SLC8A1: variants seen among roughly 807,000 people sequenced by gnomAD.
The protein encoded by SLC8A1 is sodium/calcium exchanger 1.
SLC8A1 carries 18 observed loss-of-function variants against 68.3 expected under a neutral mutation model. That is an observed-to-expected ratio of 0.26 (90% confidence interval 0.18 to 0.39). The LOEUF is 0.39. SLC8A1 is among the 10% of genes least tolerant of loss of function. SLC8A1 has a pLI of 1.00. For synonymous variants in SLC8A1, 475 were observed against 415.5 expected, an observed-to-expected ratio of 1.14 and a Z score of -1.74; for missense variants, 985 against 1,156.7, an observed-to-expected ratio of 0.85 and a Z score of 2.15.
At chr2:40,384,627 G>A (rs1290335052) in intron 2 of SLC8A1, among the ~76,000 whole-genome samples, 6 of 152,118 alleles carry the variant, frequency 3.9e-5, no homozygotes, top group Non-Finnish European at 5.9e-5. Flanking sequence ...AGATATTATA[G>A]TTGTATTTTG....
intron 2 of SLC8A1, among the ~76,000 whole-genome samples, chr2:40,305,200 C>T (rs148518617): frequency 1.5e-3 from 225 of 152,284 alleles, no homozygotes; most frequent in African/African-American, 4.9e-3. Flanking sequence ...TTGGGAAGCC[C>T]CTTCTAGTGG....
intron 2 of SLC8A1, among the ~76,000 whole-genome samples, chr2:40,326,230 ACT>A (rs1463456471): frequency 2.6e-5 from 4 of 151,810 alleles, no homozygotes; most frequent in Non-Finnish European, 1.5e-5. Flanking sequence ...GCCTGCCCAT[ACT>A]CTCTGTTTTC....
At chr2:40,299,258 G>A (rs1464778393) in intron 2 of SLC8A1, among the ~76,000 whole-genome samples, 2 of 152,110 alleles carry the variant, frequency 1.3e-5, no homozygotes, top group Admixed American at 1.3e-4. Flanking sequence ...CAGGATCCAG[G>A]AAAGATGTCC....
At chr2:40,216,910 A>G (rs2057580287) in intron 2 of SLC8A1, among the ~76,000 whole-genome samples, 1 of 152,170 alleles carries the variant, frequency 6.6e-6, no homozygotes, top group Non-Finnish European at 1.5e-5. Context: ...TCTTTGTCAG[A>G]TGGATGGATC....
chr2:40,419,674 G>A (rs571896049), intron 2 of SLC8A1, among the ~76,000 whole-genome samples: 24 of 152,210 alleles, frequency 1.6e-4, no homozygotes, highest in African/African-American at 5.8e-4. Flanking sequence ...TGGTTAGTGT[G>A]CAAGAAGGAA....
intron 3 of SLC8A1, among the ~76,000 whole-genome samples, chr2:40,175,767 AG>A (rs2048362294): frequency 1.3e-5 from 2 of 152,142 alleles, no homozygotes; most frequent in Admixed American, 6.5e-5. Context: ...CAGTAAGTAC[AG>A]GTGAAACATC....
At chr2:40,344,490 T>C (rs1668657069) in intron 2 of SLC8A1, among the ~76,000 whole-genome samples, 1 of 152,154 alleles carries the variant, frequency 6.6e-6, no homozygotes. Context: ...AAACATACAA[T>C]AGTGGCTTTG....
chr2:40,496,825 CAA>C (rs1705732873), intron 1 of SLC8A1, among the ~76,000 whole-genome samples: 1 of 148,116 alleles, frequency 6.8e-6, no homozygotes, highest in African/African-American at 2.5e-5. Flanking sequence ...ACCGCAAGAA[CAA>C]AAAACCAAAC....
chr2:40,257,097 T>C (rs1422919461), intron 2 of SLC8A1, among the ~76,000 whole-genome samples: 2 of 152,196 alleles, frequency 1.3e-5, no homozygotes, highest in Non-Finnish European at 2.9e-5. Flanking sequence ...ATTTATTACA[T>C]CTTATCATAA....
intron 2 of SLC8A1, among the ~76,000 whole-genome samples, chr2:40,189,479 C>T (rs915771754): frequency 6.6e-6 from 1 of 152,020 alleles, no homozygotes; most frequent in Non-Finnish European, 1.5e-5. Context: ...TGCCACCGCG[C>T]CCGAATAATT....
At chr2:40,152,832 C>T (rs1265175970) in intron 6 of SLC8A1, among the ~76,000 whole-genome samples, 1 of 151,952 alleles carries the variant, frequency 6.6e-6, no homozygotes, top group African/African-American at 2.4e-5. Context: ...CATGGTGGTG[C>T]CTGCCTGTAG....
chr2:40,466,962 A>C (rs1703710257), intron 1 of SLC8A1, among the ~76,000 whole-genome samples: 1 of 97,654 alleles, frequency 1.0e-5, no homozygotes, highest in African/African-American at 3.8e-5. Context: ...CCTTACAGGA[A>C]TGAGTTATCT....
intron 2 of SLC8A1, among the ~76,000 whole-genome samples, chr2:40,403,966 T>G (rs1689544671): frequency 6.6e-6 from 1 of 152,196 alleles, no homozygotes; most frequent in Admixed American, 6.6e-5. Flanking sequence ...AAATGTAACT[T>G]TTCATTAACT....
intron 2 of SLC8A1, among the ~76,000 whole-genome samples, chr2:40,218,923 C>T (rs73926130): frequency 0.12 from 17,734 of 152,108 alleles, 1,132 homozygotes; most frequent in Non-Finnish European, 0.13. Flanking sequence ...GGAGTTACCC[C>T]TGAGTGCTTT....
At chr2:40,115,767 C>G in intron 7 of SLC8A1, 138 bp from the exon 11 acceptor site, 2 of 1,097,750 alleles carry the variant, frequency 1.8e-6, no homozygotes, top group South Asian at 1.6e-5. Context: ...TGATGTTCCT[C>G]TGAGTCAGAC....
chr2:40,210,856 T>A (rs1302717036), intron 2 of SLC8A1, among the ~76,000 whole-genome samples: 1 of 152,210 alleles, frequency 6.6e-6, no homozygotes, highest in Non-Finnish European at 1.5e-5. Flanking sequence ...ACCTTTACCT[T>A]TTTGTCATGT....
At chr2:40,455,749 C>A (rs1339588094), upstream of SLC8A1, among the ~76,000 whole-genome samples, 2 of 152,318 alleles carry the variant, frequency 1.3e-5, no homozygotes, top group Admixed American at 1.3e-4. Flanking sequence ...TGTTGTTCCT[C>A]TTCCCTGGAG....
At chr2:40,202,267 C>T (rs904899132) in intron 2 of SLC8A1, among the ~76,000 whole-genome samples, 2 of 151,974 alleles carry the variant, frequency 1.3e-5, no homozygotes, top group Admixed American at 6.6e-5. Context: ...CTTCCACATC[C>T]TTGCACGTCC....
intron 2 of SLC8A1, among the ~76,000 whole-genome samples, chr2:40,339,479 G>C (rs58751379): frequency 3.2e-4 from 49 of 152,208 alleles, no homozygotes; most frequent in African/African-American, 1.1e-3. Flanking sequence ...ATGTACACTT[G>C]GTTTTAGAAC....
Sources: gnomAD v4.1 joint callset for allele counts (sites outside exome capture counted in the v4.1 genomes callset) on GRCh38, gnomAD v4.1.1 for gene constraint, MANE v1.5 for transcripts, NCBI Gene and HGNC (gene_info 2026-07-23, HGNC 2026-07-21) for gene names.